The following CACNA1A variants were observed in gnomAD, a reference collection of about 807,000 sequenced individuals.
CACNA1A encodes the protein voltage-dependent P/Q-type calcium channel subunit alpha-1A.
CACNA1A carries 57 observed loss-of-function variants against 262.4 expected under a neutral mutation model. The ratio of observed to expected loss-of-function variants is 0.22; its 90% CI spans 0.18 to 0.27. The LOEUF (loss-of-function observed/expected upper bound fraction) is 0.27. Among genes scored for constraint, CACNA1A ranks in the 10% least tolerant of loss-of-function variants. The probability of loss-of-function intolerance (pLI) is 1.00; values close to 1 mark genes in which losing one functional copy is unlikely to be tolerated. For synonymous variants in CACNA1A, 1,431 were observed against 1,419.3 expected, an observed-to-expected ratio of 1.01 and a Z score of -0.18; for missense variants, 2,526 against 3,562.8, an observed-to-expected ratio of 0.71 and a Z score of 7.41.
intron 7 of CACNA1A, 106 bp from the exon 8 acceptor site, chr19:13,334,599 G>T (rs1600358808): frequency 1.5e-5 from 9 of 595,358 alleles, no homozygotes; most frequent in East Asian, 6.1e-5. Context: ...GTGTTTGTGT[G>T]TGTGTGTGTG....
At chr19:13,239,770 T>C (rs1031812729) in intron 31 of CACNA1A, among the ~76,000 whole-genome samples, 1 of 151,854 alleles carries the variant, frequency 6.6e-6, no homozygotes, top group African/African-American at 2.4e-5. Flanking sequence ...GGTGGGTAGA[T>C]GTAGCAGAGA....
chr19:13,486,147 GGTGGTA>G (rs1943587288), intron 1 of CACNA1A, among the ~76,000 whole-genome samples: 1 of 152,156 alleles, frequency 6.6e-6, no homozygotes. Context: ...TGCGTACTTA[GGTGGTA>G]CAACCACACA....
intron 6 of CACNA1A, among the ~76,000 whole-genome samples, chr19:13,346,571 G>C (rs1006692845): frequency 1.5e-5 from 2 of 136,538 alleles, no homozygotes; most frequent in African/African-American, 5.6e-5. Flanking sequence ...CACCAAGGGA[G>C]AGAAGGAGAG....
At chr19:13,265,464 G>A (rs1426978399) in intron 24 of CACNA1A, among the ~76,000 whole-genome samples, 6 of 152,176 alleles carry the variant, frequency 3.9e-5, no homozygotes, top group Admixed American at 3.9e-4. Flanking sequence ...TAGCCTGCTA[G>A]GCAGAGATAT....
intron 1 of CACNA1A, among the ~76,000 whole-genome samples, chr19:13,457,853 CAAAAAA>C (rs775895393): frequency 1.7e-5 from 1 of 58,670 alleles, no homozygotes; most frequent in Admixed American, 1.9e-4. Flanking sequence ...AACTCCGTTT[CAAAAAA>C]AAAAAAAAAA....
rs16054 is a variant in CACNA1A, at chr19:13,207,858, C to CCTGCTGCTGCTG, written c.6964_6975dup (p.Gln2322_Gln2325dup). 856 of 1,431,824 alleles carry CCTGCTGCTGCTG rather than the reference C, an allele frequency of 6.0e-4. 7 individuals are homozygous for CCTGCTGCTGCTG. The East Asian group carries it at 0.016, about 27-fold the overall frequency. 88.7% of individuals were successfully genotyped at this position (1,431,824 alleles called of 1,614,324 possible). On this transcript the variant is annotated inframe_insertion, in exon 47 of 47. Transcript: ENST00000360228. The surrounding 1 kb of genome is among the most constrained non-coding windows in gnomAD (Gnocchi z 5.7). ...GCCGCCCGGCCCGGCCTGGCCACCG[C>CCTGCTGCTGCTG]CTGCTGCTGCTGCTGCTGCTGCTGC... is the stretch of plus-strand genomic sequence containing the variant.
chr19:13,500,648 T>C (rs931927745), intron 1 of CACNA1A, among the ~76,000 whole-genome samples: 2 of 152,166 alleles, frequency 1.3e-5, no homozygotes, highest in Non-Finnish European at 2.9e-5. Context: ...AAATTAAACA[T>C]ACACCTACCA....
rs73922398 is a variant in CACNA1A at position 13,427,079 on chromosome 19, A to G, written c.539+25797T>C. ...ACCTTCCATTAACTAATTATGGCCC[A>G]CAGTTCATAGTCAAGGGGCTTGGGG... On this transcript the variant is annotated intron_variant, in intron 3 of 46. Coordinates refer to ENST00000360228, the MANE Select transcript of CACNA1A (RefSeq NM_001127222.2). Among the ~76,000 whole-genome samples, 1,097 of 152,264 alleles carry G rather than the reference A, an allele frequency of 7.2e-3. 18 individuals carry two copies. The highest frequency in any genetic ancestry group is 0.025 in the African/African-American group (1,029 of 41,560).
intron 38 of CACNA1A, among the ~76,000 whole-genome samples, chr19:13,223,699 C>G (rs1476155121): frequency 3.3e-5 from 5 of 152,188 alleles, no homozygotes. Context: ...CCTGTGTTCA[C>G]CCCTCTGTCA....
At chr19:13,355,680 C>G (rs1227831670) in intron 6 of CACNA1A, among the ~76,000 whole-genome samples, 1 of 152,116 alleles carries the variant, frequency 6.6e-6, no homozygotes, top group Non-Finnish European at 1.5e-5. Context: ...ACAGCAGCCC[C>G]AGAGAGAGGC....
At chr19:13,417,875 G>A (rs1217586108) in intron 3 of CACNA1A, among the ~76,000 whole-genome samples, 2 of 133,292 alleles carry the variant, frequency 1.5e-5, no homozygotes, top group African/African-American at 5.9e-5. Context: ...GGGTGACAGA[G>A]CAAGACTCCA....
intron 3 of CACNA1A, among the ~76,000 whole-genome samples, chr19:13,426,017 C>G (rs1313290784): frequency 1.3e-5 from 2 of 152,092 alleles, no homozygotes; most frequent in African/African-American, 2.4e-5. Flanking sequence ...GATATTGCAC[C>G]ACTGCACTCC....
At chr19:13,416,721 A>G (rs2060228940) in intron 3 of CACNA1A, among the ~76,000 whole-genome samples, 2 of 152,146 alleles carry the variant, frequency 1.3e-5, no homozygotes, top group Non-Finnish European at 2.9e-5. Context: ...AGGCTGAGGC[A>G]AGAGAATCAC....
intron 31 of CACNA1A, among the ~76,000 whole-genome samples, chr19:13,238,877 G>A (rs1220487210): frequency 2.6e-5 from 4 of 151,870 alleles, no homozygotes; most frequent in Non-Finnish European, 5.9e-5. Flanking sequence ...TTGAGTCACC[G>A]TGCTCAGCCT....
At chr19:13,421,748 G>T (rs2060319527) in intron 3 of CACNA1A, among the ~76,000 whole-genome samples, 1 of 152,124 alleles carries the variant, frequency 6.6e-6, no homozygotes, top group Non-Finnish European at 1.5e-5. Context: ...GATCTTCCCA[G>T]CCTCCAGAAC....
rs370115557 is a variant in CACNA1A at position 13,480,557 on chromosome 19, G to A, written c.294-25345C>T. On this transcript the variant is annotated intron_variant, in intron 1 of 46. Transcript: ENST00000360228. Reference sequence around the variant, plus strand: ...CAGAAGTTATACACAGGCTGGGTGCGGGGGCTCACACCTGTAATCCTAGCA... The same window carrying A: ...CAGAAGTTATACACAGGCTGGGTGCAGGGGCTCACACCTGTAATCCTAGCA... 5.3e-5 allele frequency among the ~76,000 whole-genome samples: 8 copies of A among 152,080 alleles called. No homozygotes were observed. The East Asian group carries it at 1.4e-3, about 26-fold the overall frequency.
chr19:13,288,735 C>A (rs1268509991), intron 19 of CACNA1A, among the ~76,000 whole-genome samples: 2 of 151,954 alleles, frequency 1.3e-5, no homozygotes, highest in Non-Finnish European at 2.9e-5. Flanking sequence ...GACTACAGAC[C>A]CCTGGACAAC....
chr19:13,278,212 C>T (rs890866937), intron 22 of CACNA1A, among the ~76,000 whole-genome samples: 3 of 152,126 alleles, frequency 2.0e-5, no homozygotes, highest in African/African-American at 4.8e-5. Flanking sequence ...TACAATCCTC[C>T]GTGGCTCCCA....
chr19:13,454,102 G>T (rs138015783), intron 2 of CACNA1A, among the ~76,000 whole-genome samples: 237 of 151,718 alleles, frequency 1.6e-3, no homozygotes, highest in African/African-American at 5.6e-3. Context: ...TTCAGGATGG[G>T]GGTTGGTCAC....
Sources: gnomAD v4.1 joint callset for allele counts (sites outside exome capture counted in the v4.1 genomes callset) on GRCh38, gnomAD v4.1.1 for gene constraint, Gnocchi (gnomAD v3.1) non-coding constraint, MANE v1.5 for transcripts, NCBI Gene and HGNC (gene_info 2026-07-23, HGNC 2026-07-21) for gene names.